The following HBP1 variants were observed in gnomAD, a reference collection of about 807,000 sequenced individuals.
The protein encoded by HBP1 is HMG-box transcription factor 1, also known as HMG box-containing protein 1.
In HBP1, 20 loss-of-function variants were observed where a neutral mutation model predicts 62.6. That is an observed-to-expected ratio of 0.32 (90% CI 0.22 to 0.46). The LOEUF is 0.46. Among genes scored for constraint, HBP1 ranks in the 20% least tolerant of loss-of-function variants. HBP1 has a pLI of 1.00. For missense variants in HBP1, 480 were observed against 611.8 expected (o/e 0.78, Z 2.27); for synonymous variants, 232 against 206.2 (o/e 1.12, Z -1.07).
chr7:107,169,102 G>C lies in HBP1; in HGVS notation c.-99G>C. 7.8e-7 allele frequency: 1 copy of C among 1,281,542 alleles called. No homozygotes were observed. Among genetic ancestry groups the C allele is most frequent in the South Asian group, 1.3e-5 (1 of 79,988 alleles). 79.4% of individuals were successfully genotyped at this position (1,281,542 alleles called of 1,614,324 possible). A position where few individuals can be genotyped will look rare whatever the true frequency, so the allele number is the denominator to read the frequency against. On this transcript the variant is annotated 5_prime_UTR_variant, in exon 1 of 11. Transcript: ENST00000222574. ...AACCCGCGCGGGGGAGGCCGACGTC[G>C]GTCGGAGAGGGGGTACGAGAGCTGC...
chr7:107,201,530 G>A lies in HBP1; in HGVS notation c.*99G>A, dbSNP rs1351490604. ...AGGTCTCACCATTTGTCCTCAATTC[G>A]TGTGACCATAAGATACTGATAGCAT... On this transcript the variant is annotated 3_prime_UTR_variant, in exon 11 of 11. Transcript: ENST00000222574. 5 of 685,052 alleles carry A rather than the reference G, an allele frequency of 7.3e-6. No homozygotes were observed. Among genetic ancestry groups the A allele is most frequent in the Admixed American group, 2.3e-5 (1 of 43,482 alleles). 42.4% of individuals were successfully genotyped at this position (685,052 alleles called of 1,614,324 possible). A position where few individuals can be genotyped will look rare whatever the true frequency, so the allele number is the denominator to read the frequency against.
In HBP1 at chr7:107,171,073, A is replaced by ATTT. The variant is rs60734729; in HGVS notation, c.-16+1901_-16+1903dup. ...TATATATATATATATATATATATAT[A>ATTT]TTTTTTTTTTTTTTTGAGAGGGAGT... On this transcript the variant is annotated intron_variant, in intron 1 of 10. Transcript: ENST00000222574. Among the ~76,000 whole-genome samples the ATTT allele has an allele frequency of 3.8e-4, 33 of 87,200 alleles. 7 individuals carry two copies. The highest frequency in any genetic ancestry group is 6.0e-4 in the East Asian group (2 of 3,352). 57.2% of individuals were successfully genotyped at this position (87,200 alleles called of 152,430 possible).
At chr7:107,176,002 C>A (rs1450778051) in intron 1 of HBP1, among the ~76,000 whole-genome samples, 1 of 151,520 alleles carries the variant, frequency 6.6e-6, no homozygotes, top group Non-Finnish European at 1.5e-5. Flanking sequence ...AGGCGTGAGC[C>A]ACCGCACCCG....
intron 8 of HBP1, among the ~76,000 whole-genome samples, chr7:107,194,081 A>G (rs948016040): frequency 4.6e-5 from 7 of 152,222 alleles, no homozygotes; most frequent in Non-Finnish European, 7.3e-5. Context: ...AGTGAAGAGA[A>G]TGAATGCTTA....
intron 9 of HBP1, among the ~76,000 whole-genome samples, chr7:107,199,297 G>C (rs2116012099): frequency 6.6e-6 from 1 of 152,278 alleles, no homozygotes; most frequent in South Asian, 2.1e-4. Flanking sequence ...GGCCAGGCTG[G>C]TCTTGAACTC....
In HBP1 at chr7:107,201,705, G is replaced by A; in HGVS notation, c.*274G>A. ...TCAGGTAATAATAGGCTTGAAAATT[G>A]ATATCCTGTGGTGCTAAAGTACAGT... is the stretch of plus-strand genomic sequence containing the variant. On this transcript the variant is annotated 3_prime_UTR_variant, in exon 11 of 11. Coordinates refer to ENST00000222574, the MANE Select transcript of HBP1 (RefSeq NM_012257.4). 1 of 360,890 alleles carries A rather than the reference G, an allele frequency of 2.8e-6. No individual in the cohort carries two copies. The highest frequency in any genetic ancestry group is 5.0e-6 in the Non-Finnish European group (1 of 199,528). The allele number at this position is 360,890 out of a possible 1,614,324, so 22.4% of individuals were successfully genotyped here.
At chr7:107,171,253 A>T (rs1003758585) in intron 1 of HBP1, among the ~76,000 whole-genome samples, 2 of 150,700 alleles carry the variant, frequency 1.3e-5, no homozygotes, top group Middle Eastern at 3.4e-3. Context: ...TGTATTTTTA[A>T]TAGAAACGGG....
intron 1 of HBP1, chr7:107,170,252 C>T: frequency 2.9e-6 from 1 of 341,938 alleles, no homozygotes; most frequent in Non-Finnish European, 4.1e-6. Flanking sequence ...ACTAACAGCT[C>T]GGATGGAGGC....
intron 1 of HBP1, among the ~76,000 whole-genome samples, chr7:107,179,020 C>T (rs1268851813): frequency 1.3e-5 from 2 of 151,878 alleles, no homozygotes; most frequent in Admixed American, 6.6e-5. Flanking sequence ...GGTGACAGAG[C>T]GAGACTCCGT....
chr7:107,201,336 A>G (rs1798281130), intron 10 of HBP1, 78 bp from the exon 11 acceptor site: 4 of 832,912 alleles, frequency 4.8e-6, no homozygotes, highest in Non-Finnish European at 7.9e-6. Flanking sequence ...TAAACATCTT[A>G]TACATCTTAG....
At chr7:107,198,523 T>C (rs1434453372) in intron 9 of HBP1, among the ~76,000 whole-genome samples, 2 of 152,192 alleles carry the variant, frequency 1.3e-5, no homozygotes, top group African/African-American at 4.8e-5. Context: ...TCTGGTATTT[T>C]CTTTGCATTT....
chr7:107,180,048 A>G lies in HBP1; in HGVS notation c.155A>G (p.Glu52Gly). The part of the protein sequence containing the change: ...PSSPGYNSCD[E>G]HMELDDLPEL... ...TCACCTGGATATAACTCCTGTGATG[A>G]ACACATGGAGCTTGGTAAGCAAAAT... The change falls in exon 2 of 11, where the codon GAA (glutamate) becomes GGA (glycine). Residue 52 changes from glutamate to glycine, a missense_variant. By Grantham distance (98) the Glu-to-Gly change is moderately conservative. Transcript: ENST00000222574. The G allele has an allele frequency of 6.3e-7, 1 of 1,575,754 alleles. No individual in the cohort carries two copies.
At chr7:107,171,073 A>ATATATATATATTTTTTTTT in intron 1 of HBP1, among the ~76,000 whole-genome samples, 6 of 87,194 alleles carry the variant, frequency 6.9e-5, no homozygotes, top group African/African-American at 4.0e-4. Flanking sequence ...ATATATATAT[A>ATATATATATATTTTTTTTT]TTTTTTTTTT....
At chr7:107,169,548 G>A (rs1021555462) in intron 1 of HBP1, among the ~76,000 whole-genome samples, 3 of 149,270 alleles carry the variant, frequency 2.0e-5, no homozygotes, top group African/African-American at 7.4e-5. Flanking sequence ...GCCCAGGAAA[G>A]TTTGACTTCA....
chr7:107,172,406 C>T (rs1249881559), intron 1 of HBP1, among the ~76,000 whole-genome samples: 2 of 152,062 alleles, frequency 1.3e-5, no homozygotes, highest in African/African-American at 4.8e-5. Context: ...AATTATGTTT[C>T]TAGTTTCTCC....
intron 3 of HBP1, among the ~76,000 whole-genome samples, chr7:107,183,737 C>A (rs892458674): frequency 7.3e-5 from 11 of 151,534 alleles, no homozygotes; most frequent in African/African-American, 2.4e-4. Flanking sequence ...AGTGAGTAAA[C>A]CCTTCAGAAG....
chr7:107,195,461 C>T (rs536170382), intron 8 of HBP1, among the ~76,000 whole-genome samples: 11 of 152,154 alleles, frequency 7.2e-5, no homozygotes, highest in Non-Finnish European at 1.3e-4. Context: ...GCCAAGAAAC[C>T]ATATTGTCAC....
intron 6 of HBP1, 43 bp downstream of exon 6, chr7:107,186,724 A>G: frequency 9.5e-7 from 1 of 1,051,838 alleles, no homozygotes; most frequent in South Asian, 1.3e-5. Context: ...ATCTTTCCAA[A>G]TGAAACAAGA....
At chr7:107,185,714 G>A in intron 3 of HBP1, 87 bp from the exon 4 acceptor site, 1 of 980,692 alleles carries the variant, frequency 1.0e-6, no homozygotes, top group Non-Finnish European at 1.5e-6. Context: ...AATAACATTG[G>A]CGTTTTAAAT....
Sources: allele counts gnomAD v4.1 joint callset (sites outside exome capture counted in the v4.1 genomes callset), GRCh38; gene constraint gnomAD v4.1.1; transcripts MANE v1.5; gene names NCBI Gene and HGNC (gene_info 2026-07-23, HGNC 2026-07-21).